OR13A1: variants seen among roughly 807,000 people sequenced by gnomAD.
OR13A1 encodes olfactory receptor family 13 subfamily A member 1, also known as olfactory receptor 13A1.
A neutral mutation model predicts 7.5 loss-of-function variants in OR13A1; 10 were observed. The observed-to-expected ratio is 1.34, with a 90% CI of 0.83 to 2.27. The LOEUF (loss-of-function observed/expected upper bound fraction) is 2.27, where lower values mean the gene tolerates loss of function less well. Ranked by LOEUF, OR13A1 falls within the 30% of genes most tolerant of loss-of-function variation. The pLI, the probability that OR13A1 is intolerant of heterozygous loss-of-function variation, is 0.00. For synonymous variants in OR13A1, 238 were observed against 177.9 expected (o/e 1.34, Z -2.69); for missense variants, 509 against 419.1 (o/e 1.21, Z -1.87).
intron 1 of OR13A1, among the ~76,000 whole-genome samples, chr10:45,313,973 C>T (rs1004104694): frequency 6.6e-6 from 1 of 152,080 alleles, no homozygotes; most frequent in Admixed American, 6.5e-5. Flanking sequence ...CTCAAGTTTA[C>T]ATGGAATATT....
rs765834255 is a variant in OR13A1 at position 45,304,432 on chromosome 10, G to C, written c.-10C>G. 47 of 1,603,756 alleles carry C rather than the reference G, an allele frequency of 2.9e-5. No homozygotes were observed. The highest frequency in any genetic ancestry group is 4.0e-5 in the Non-Finnish European group (47 of 1,174,922). Reference sequence around the variant, plus strand: ...CCATCCACAGCTTCATGTGATTTCAGAGCTAGAGAGATAAACAAGAGGTGT... The same window carrying C: ...CCATCCACAGCTTCATGTGATTTCACAGCTAGAGAGATAAACAAGAGGTGT... On this transcript the variant is annotated splice_region_variant and 5_prime_UTR_variant, in exon 4 of 4. Coordinates refer to ENST00000553795, the MANE Select transcript of OR13A1 (RefSeq NM_001004297.3).
At chr10:45,311,414 C>G (rs1838443503) in intron 1 of OR13A1, among the ~76,000 whole-genome samples, 1 of 152,070 alleles carries the variant, frequency 6.6e-6, no homozygotes, top group South Asian at 2.1e-4. Flanking sequence ...TGTGCTTGTT[C>G]TTGAGAAACA....
intron 3 of OR13A1, among the ~76,000 whole-genome samples, chr10:45,306,758 A>G (rs192018796): frequency 2.6e-4 from 39 of 152,366 alleles, no homozygotes; most frequent in Admixed American, 1.8e-3. Context: ...GGGTATGATC[A>G]GAATCAATGG....
chr10:45,304,039 T>C lies in OR13A1; in HGVS notation c.384A>G (p.Ser128=). The C allele has an allele frequency of 1.9e-6, 3 of 1,613,422 alleles. No homozygotes were observed. In the South Asian group the frequency reaches 3.3e-5, roughly 18 times the overall value. ...QLYFLTWAAS[S]ELLLLTVMAY... Reference sequence around the variant, plus strand: ...CCATGACCGTGAGGAGCAGCAGCTCTGAGGATGCAGCCCACGTGAGGAAAT... The same window carrying C: ...CCATGACCGTGAGGAGCAGCAGCTCCGAGGATGCAGCCCACGTGAGGAAAT... Residue 128 remains serine (S), a synonymous_variant, in exon 4 of 4, where the codon TCA becomes TCG. Coordinates refer to ENST00000553795, the MANE Select transcript of OR13A1 (RefSeq NM_001004297.3).
chr10:45,304,573 G>A (rs546206703), intron 3 of OR13A1, 139 bp from the exon 4 acceptor site: 72 of 686,100 alleles, frequency 1.0e-4, no homozygotes, highest in Non-Finnish European at 3.6e-5. Context: ...TAGAAAAAAG[G>A]CGTGAACACT....
chr10:45,304,394 A>C lies in OR13A1; in HGVS notation c.29T>G (p.Ile10Arg). 1 of 1,613,572 alleles carries C rather than the reference A, an allele frequency of 6.2e-7. No homozygotes were observed. Among genetic ancestry groups the C allele is most frequent in the Non-Finnish European group, 8.5e-7 (1 of 1,179,886 alleles). The part of the protein sequence containing the change: MKLWMESHL[I>R]VPETRPSPRM... Reference sequence around the variant, plus strand: ...TGGGCTGGGACGGGTTTCTGGGACTATCAGGTGACTCTCCATCCACAGCTT... The same window carrying C: ...TGGGCTGGGACGGGTTTCTGGGACTCTCAGGTGACTCTCCATCCACAGCTT... The change falls in exon 4 of 4, where the codon ATA (isoleucine) becomes AGA (arginine). Residue 10 changes from isoleucine to arginine, a missense_variant. Physicochemically the swap from Ile to Arg is moderately conservative, Grantham distance 97 (BLOSUM62 -3). Transcript: ENST00000553795.
In OR13A1 at chr10:45,304,056, T is replaced by C. The variant is rs758799161; in HGVS notation, c.367A>G (p.Thr123Ala). The C allele has an allele frequency of 1.2e-6, 2 of 1,613,554 alleles. No individual in the cohort carries two copies. Among genetic ancestry groups the C allele is most frequent in the Admixed American group, 3.3e-5 (2 of 59,956 alleles). Reference protein sequence around the residue: ...GGCMAQLYFLTWAASSELLLL... With the variant: ...GGCMAQLYFLAWAASSELLLL... The stretch of plus-strand genomic sequence containing the variant: ...AGCAGCTCTGAGGATGCAGCCCACG[T>C]GAGGAAATAGAGCTGGGCCATGCAG... Residue 123 changes from threonine (T) to alanine (A), a missense_variant, in exon 4 of 4, where the codon ACG becomes GCG. Physicochemically the swap from Thr to Ala is moderately conservative, Grantham distance 58 (BLOSUM62 0). Coordinates refer to ENST00000553795, the MANE Select transcript of OR13A1 (RefSeq NM_001004297.3).
intron 3 of OR13A1, among the ~76,000 whole-genome samples, chr10:45,305,083 T>C (rs1244910523): frequency 1.3e-5 from 2 of 152,014 alleles, no homozygotes; most frequent in African/African-American, 2.4e-5. Context: ...AATACAAAAA[T>C]TAACCTGACA....
chr10:45,308,124 A>G (rs952377902), intron 1 of OR13A1, among the ~76,000 whole-genome samples: 1 of 152,218 alleles, frequency 6.6e-6, no homozygotes, highest in Non-Finnish European at 1.5e-5. Context: ...CTTTTATTGT[A>G]TATGAAGGTA....
Position 45,302,952 on chromosome 10 carries a change from G to C in OR13A1, c.*484C>G, listed in dbSNP as rs546955214. On this transcript the variant is annotated 3_prime_UTR_variant, in exon 4 of 4. Transcript: ENST00000553795. ...GAAACAGTTGAGGTAAGATAATGGG[G>C]GTAGAAGGTTTCCTAGAGGCCAGTG... is the stretch of plus-strand genomic sequence containing the variant. 6.5e-6 allele frequency: 1 copy of C among 154,358 alleles called. No individual in the cohort carries two copies. Among genetic ancestry groups the C allele is most frequent in the East Asian group, 1.9e-4 (1 of 5,220 alleles). The allele number at this position is 154,358 out of a possible 1,614,324, so 9.6% of individuals were successfully genotyped here. A position where few individuals can be genotyped will look rare whatever the true frequency, so the allele number is the denominator to read the frequency against.
rs1838249056 is a variant in OR13A1 at position 45,303,469 on chromosome 10, G to A, written c.954C>T (p.Ala318=). The change falls in exon 4 of 4, where the codon GCC becomes GCT. Residue 318 remains alanine (A), a synonymous_variant. Transcript: ENST00000553795. ...YTLRNKEVKA[A]LRKLFPFFRN Reference sequence around the variant, plus strand: ...TGAAGAAAGGGAAAAGCTTCCTGAGGGCTGCTTTGACCTCCTTGTTTCTCA... The same window carrying A: ...TGAAGAAAGGGAAAAGCTTCCTGAGAGCTGCTTTGACCTCCTTGTTTCTCA... The A allele has an allele frequency of 1.2e-6, 2 of 1,606,700 alleles. No homozygotes were observed. Among genetic ancestry groups the A allele is most frequent in the Non-Finnish European group, 1.7e-6 (2 of 1,176,182 alleles).
chr10:45,305,875 T>C (rs1838317946), intron 3 of OR13A1, among the ~76,000 whole-genome samples: 1 of 152,234 alleles, frequency 6.6e-6, no homozygotes, highest in African/African-American at 2.4e-5. Context: ...TCTATCCTAG[T>C]ACACAATACA....
Position 45,304,396 on chromosome 10 carries a change from C to G in OR13A1, c.27G>C (p.Leu9=), listed in dbSNP as rs745743785. 1.2e-5 allele frequency: 20 copies of G among 1,613,338 alleles called. No homozygotes were observed. In the Admixed American group the frequency reaches 3.3e-4, roughly 27 times the overall value. MKLWMESH[L]IVPETRPSPR... ...GGCTGGGACGGGTTTCTGGGACTAT[C>G]AGGTGACTCTCCATCCACAGCTTCA... The change falls in exon 4 of 4, where the codon CTG becomes CTC. Residue 9 remains leucine, a synonymous_variant. Coordinates refer to ENST00000553795, the MANE Select transcript of OR13A1 (RefSeq NM_001004297.3).
At position 45,304,347 on chromosome 10, in the gene OR13A1, A is replaced by C. The variant is rs760749993; in HGVS notation, c.76T>G (p.Leu26Val). The change falls in exon 4 of 4, where the codon TTG (leucine) becomes GTG (valine). Residue 26 changes from leucine (L) to valine (V), a missense_variant. Coordinates refer to ENST00000553795, the MANE Select transcript of OR13A1 (RefSeq NM_001004297.3). ...CCCTGCAGGATGAACTCGGTTACCA[A>C]CGTCTGGTTACTCATCATCCTTGGG... Reference protein sequence around the residue: ...PSPRMMSNQTLVTEFILQGFS... With the variant: ...PSPRMMSNQTVVTEFILQGFS... The C allele has an allele frequency of 6.2e-7, 1 of 1,614,120 alleles. No homozygotes were observed.
rs751367801 is a variant in OR13A1, at chr10:45,308,873, C to T, written c.-224-1065G>A. On this transcript the variant is annotated intron_variant, in intron 1 of 3. Transcript: ENST00000553795. ...GACTGTTCAGGACTGAACAAGGTTT[C>T]CTTCCCATATTTAAGATGGCCTTGC... The T allele has an allele frequency of 2.6e-5, 4 of 152,140 alleles. No homozygotes were observed. The East Asian group carries it at 5.8e-4, about 22-fold the overall frequency. 9.4% of individuals were successfully genotyped at this position (152,140 alleles called of 1,614,324 possible).
At position 45,303,560 on chromosome 10, in the gene OR13A1, T is replaced by C; in HGVS notation, c.863A>G (p.Lys288Arg). Residue 288 changes from lysine to arginine, a missense_variant, in exon 4 of 4, where the codon AAG (lysine) becomes AGG (arginine). Lys to Arg is a conservative substitution (Grantham distance 26). Coordinates refer to ENST00000553795, the MANE Select transcript of OR13A1 (RefSeq NM_001004297.3). Reference sequence around the variant, plus strand: ...GTACAGCAGGCCAGCCAACTTGCTCTTCCCTGCGCTGTAGCCAGAGACCGG... The same window carrying C: ...GTACAGCAGGCCAGCCAACTTGCTCCTCCCTGCGCTGTAGCCAGAGACCGG... ...ISPVSGYSAG[K>R]SKLAGLLYTV... 2.5e-6 allele frequency: 4 copies of C among 1,614,078 alleles called. No homozygotes were observed. In the Admixed American group the frequency reaches 5.0e-5, roughly 20 times the overall value.
At chr10:45,305,871 C>A (rs1455381605) in intron 3 of OR13A1, among the ~76,000 whole-genome samples, 1 of 152,166 alleles carries the variant, frequency 6.6e-6, no homozygotes, top group Admixed American at 6.5e-5. Flanking sequence ...GACTTCTATC[C>A]TAGTACACAA....
Position 45,306,955 on chromosome 10 carries a change from G to T in OR13A1, c.-13+471C>A, listed in dbSNP as rs183494559. On this transcript the variant is annotated intron_variant, in intron 3 of 3. Transcript: ENST00000553795. ...TGAAGAAATAACTGTAACTTTATTT[G>T]CTCTTATGATGGCCCAGTGAGTGAC... Among the ~76,000 whole-genome samples the T allele has an allele frequency of 1.7e-3, 256 of 152,282 alleles. 2 individuals carry two copies. Among genetic ancestry groups the T allele is most frequent in the African/African-American group, 5.9e-3 (246 of 41,554 alleles).
chr10:45,309,118 G>T (rs892096260), intron 1 of OR13A1, among the ~76,000 whole-genome samples: 2 of 152,084 alleles, frequency 1.3e-5, no homozygotes. Flanking sequence ...GGGGGAGGAG[G>T]GACAGCAGGA....
Sources: allele counts gnomAD v4.1 joint callset (sites outside exome capture counted in the v4.1 genomes callset), GRCh38; gene constraint gnomAD v4.1.1; transcripts MANE v1.5; gene names NCBI Gene and HGNC (gene_info 2026-07-23, HGNC 2026-07-21).